Variants in SPSB4 observed in about 807,000 individuals in gnomAD.
SPSB4 encodes the protein SPRY domain-containing SOCS box protein 4.
In SPSB4, 21 loss-of-function variants were observed where a neutral mutation model predicts 20.9. That is an observed-to-expected ratio of 1.01 (90% CI 0.71 to 1.45). SPSB4 has a LOEUF of 1.45. Ranked by LOEUF, SPSB4 falls within the 40% of genes most tolerant of loss-of-function variation. The pLI is 0.00. For synonymous variants in SPSB4, 207 were observed against 183.8 expected, an observed-to-expected ratio of 1.13 and a Z score of -1.02; for missense variants, 399 against 399.2, an observed-to-expected ratio of 1.00 and a Z score of 0.00.
chr3:141,084,577 G>A (rs980750469), intron 2 of SPSB4, among the ~76,000 whole-genome samples: 2 of 152,206 alleles, frequency 1.3e-5, no homozygotes, highest in Non-Finnish European at 2.9e-5. Flanking sequence ...GCAGCTGGAG[G>A]CTGTGACCTC....
chr3:141,061,512 A>G (rs945788885), intron 1 of SPSB4, among the ~76,000 whole-genome samples: 1 of 152,040 alleles, frequency 6.6e-6, no homozygotes, highest in Non-Finnish European at 1.5e-5. Flanking sequence ...TGCTCACTCC[A>G]TTTATCACCC....
chr3:141,072,813 C>A, intron 2 of SPSB4, among the ~76,000 whole-genome samples: 1 of 152,094 alleles, frequency 6.6e-6, no homozygotes, highest in East Asian at 1.9e-4. Flanking sequence ...TATCTCGGCC[C>A]CCCATCCGCT....
chr3:141,070,804 G>A (rs541448362), intron 2 of SPSB4, among the ~76,000 whole-genome samples: 8 of 152,338 alleles, frequency 5.3e-5, no homozygotes, highest in Admixed American at 1.3e-4. Flanking sequence ...TGCTGAAGGC[G>A]ACACTACGAG....
At chr3:141,147,043 C>A in intron 2 of SPSB4, 99 bp from the exon 3 acceptor site, 2 of 1,541,364 alleles carry the variant, frequency 1.3e-6, no homozygotes, top group Non-Finnish European at 1.8e-6. Flanking sequence ...TGAAGGCCAG[C>A]TCAGAGGAGC....
intron 2 of SPSB4, among the ~76,000 whole-genome samples, chr3:141,083,885 C>T (rs1938289462): frequency 6.6e-6 from 1 of 152,030 alleles, no homozygotes; most frequent in South Asian, 2.1e-4. Context: ...CCCCTGCTTA[C>T]CTCCCTCCCC....
chr3:141,056,582 CA>C (rs901013891), intron 1 of SPSB4, among the ~76,000 whole-genome samples: 1 of 152,264 alleles, frequency 6.6e-6, no homozygotes, highest in African/African-American at 2.4e-5. Flanking sequence ...TGTTTCCAGA[CA>C]ACCAGTTATA....
At chr3:141,101,918 A>G (rs1321373936) in intron 2 of SPSB4, among the ~76,000 whole-genome samples, 3 of 152,224 alleles carry the variant, frequency 2.0e-5, no homozygotes, top group Non-Finnish European at 4.4e-5. Context: ...TTGTAAAGTC[A>G]TCATGCTTCC....
At chr3:141,090,235 C>T (rs572130938) in intron 2 of SPSB4, among the ~76,000 whole-genome samples, 32 of 152,166 alleles carry the variant, frequency 2.1e-4, no homozygotes, top group Non-Finnish European at 3.2e-4. Flanking sequence ...TAATTGAGTA[C>T]CTACTACATG....
chr3:141,138,478 A>G (rs1015244694), intron 2 of SPSB4, among the ~76,000 whole-genome samples: 6 of 152,132 alleles, frequency 3.9e-5, no homozygotes, highest in Non-Finnish European at 7.4e-5. Flanking sequence ...ATTTAGTGCT[A>G]TAAGTTTCCC....
intron 2 of SPSB4, among the ~76,000 whole-genome samples, chr3:141,068,003 G>T (rs59279694): frequency 0.31 from 47,092 of 152,118 alleles, 11,316 homozygotes; most frequent in African/African-American, 0.67. Flanking sequence ...AAGTCCACTC[G>T]TTTCCTATGT....
chr3:141,106,312 G>A (rs1017369633), intron 2 of SPSB4, among the ~76,000 whole-genome samples: 2 of 152,116 alleles, frequency 1.3e-5, no homozygotes, highest in Non-Finnish European at 2.9e-5. Flanking sequence ...TGGAGCCCTC[G>A]GGCCACTCCA....
chr3:141,130,637 C>A, intron 2 of SPSB4, among the ~76,000 whole-genome samples: 1 of 152,144 alleles, frequency 6.6e-6, no homozygotes, highest in East Asian at 1.9e-4. Context: ...AGGGTAGTGA[C>A]TTGTGTCTTG....
chr3:141,141,963 T>C (rs1939336769), intron 2 of SPSB4, among the ~76,000 whole-genome samples: 1 of 152,196 alleles, frequency 6.6e-6, no homozygotes, highest in African/African-American at 2.4e-5. Context: ...TCATTAATGG[T>C]CTATCAGTTT....
At chr3:141,115,826 C>T (rs1938871726) in intron 2 of SPSB4, among the ~76,000 whole-genome samples, 1 of 152,128 alleles carries the variant, frequency 6.6e-6, no homozygotes. Flanking sequence ...ATACTGGGTT[C>T]CTCTTGGGCC....
intron 2 of SPSB4, among the ~76,000 whole-genome samples, chr3:141,140,216 A>T (rs1488712387): frequency 6.6e-6 from 1 of 151,942 alleles, no homozygotes; most frequent in Non-Finnish European, 1.5e-5. Context: ...TGCATTGGTT[A>T]TTCTAGTTAT....
chr3:141,099,438 T>C (rs555012272), intron 2 of SPSB4, among the ~76,000 whole-genome samples: 3 of 152,240 alleles, frequency 2.0e-5, no homozygotes, highest in Non-Finnish European at 4.4e-5. Context: ...TTATTTTGTA[T>C]GTATAGATTG....
chr3:141,055,551 C>T (rs531961786), intron 1 of SPSB4, among the ~76,000 whole-genome samples: 3 of 152,102 alleles, frequency 2.0e-5, no homozygotes, highest in Admixed American at 2.0e-4. Context: ...CTGTTGGCAG[C>T]ATGGAGAGTG....
At chr3:141,143,301 A>AT (rs1381034501) in intron 2 of SPSB4, among the ~76,000 whole-genome samples, 1 of 152,068 alleles carries the variant, frequency 6.6e-6, no homozygotes, top group African/African-American at 2.4e-5. Flanking sequence ...TGGTTGGTGG[A>AT]TTTTTATTCA....
At chr3:141,120,205 T>C (rs1443356572) in intron 2 of SPSB4, among the ~76,000 whole-genome samples, 1 of 152,228 alleles carries the variant, frequency 6.6e-6, no homozygotes, top group Non-Finnish European at 1.5e-5. Flanking sequence ...GGTTGTTCAG[T>C]TTCCATGTAG....
Sources: gnomAD v4.1 joint callset for allele counts (sites outside exome capture counted in the v4.1 genomes callset) on GRCh38, gnomAD v4.1.1 for gene constraint, MANE v1.5 for transcripts, NCBI Gene and HGNC (gene_info 2026-07-23, HGNC 2026-07-21) for gene names.